The following PITPNM2 variants were observed in gnomAD, a reference collection of about 807,000 sequenced individuals.
PITPNM2 encodes the protein phosphatidylinositol transfer protein membrane associated 2, also known as membrane-associated phosphatidylinositol transfer protein 2.
Under a neutral mutation model 132.2 loss-of-function variants are expected in PITPNM2, and 35 were observed. That is an observed-to-expected ratio of 0.26 (90% confidence interval 0.20 to 0.35). PITPNM2 has a LOEUF of 0.35. PITPNM2 is among the 10% of genes least tolerant of loss of function. The probability of loss-of-function intolerance (pLI) is 1.00; values close to 1 mark genes in which losing one functional copy is unlikely to be tolerated. For missense variants in PITPNM2, 1,332 were observed against 1,912.0 expected (o/e 0.70, Z 5.66); for synonymous variants, 738 against 799.2 (o/e 0.92, Z 1.29).
Position 123,043,949 on chromosome 12 carries a change from AAGG to A in PITPNM2, c.-95-9267_-95-9265del, listed in dbSNP as rs544263562. On this transcript the variant is annotated intron_variant, in intron 2 of 25. Coordinates refer to ENST00000320201, the MANE Select transcript of PITPNM2 (RefSeq NM_020845.3). Reference sequence around the variant, plus strand: ...CCTCCAAGATGATAAGCATGGCATGAAGGAGAATTATTTGGAACTCACCTCCTA... The same window carrying A: ...CCTCCAAGATGATAAGCATGGCATGAAGAATTATTTGGAACTCACCTCCTA... 1.5e-3 allele frequency among the ~76,000 whole-genome samples: 224 copies of A among 152,308 alleles called. 2 individuals are homozygous for A. The highest frequency in any genetic ancestry group is 2.6e-3 in the Non-Finnish European group (178 of 68,020).
chr12:123,000,654 GCAGGCGTGGAGGTGAGGCTGC>G lies in PITPNM2; in HGVS notation c.1224+103_1224+123del. On this transcript the variant is annotated intron_variant, in intron 10 of 25. Coordinates refer to ENST00000320201, the MANE Select transcript of PITPNM2 (RefSeq NM_020845.3). This position sits in a 1 kb window ranked among gnomAD's most constrained non-coding sequence, Gnocchi z 5.4. ...AGGCCTCTCCCCAGACAGTACCCAGGCAGGCGTGGAGGTGAGGCTGCCAGGCCCAGAGTTCCACCTCTGTAA... is the reference window on the plus strand; with the variant it reads ...AGGCCTCTCCCCAGACAGTACCCAGGCAGGCCCAGAGTTCCACCTCTGTAA... 1 of 1,072,856 alleles carries G rather than the reference GCAGGCGTGGAGGTGAGGCTGC, an allele frequency of 9.3e-7. No individual in the cohort carries two copies. Among genetic ancestry groups the G allele is most frequent in the Non-Finnish European group, 1.4e-6 (1 of 729,748 alleles). 66.5% of individuals were successfully genotyped at this position (1,072,856 alleles called of 1,614,324 possible).
At chr12:123,105,700 T>A (rs2042693491) in intron 2 of PITPNM2, among the ~76,000 whole-genome samples, 1 of 152,020 alleles carries the variant, frequency 6.6e-6, no homozygotes, top group South Asian at 2.1e-4. Flanking sequence ...TCCAGCTGCC[T>A]CCCTGCAGGT....
At chr12:123,011,598 G>C (rs2039205987) in intron 5 of PITPNM2, among the ~76,000 whole-genome samples, 1 of 152,214 alleles carries the variant, frequency 6.6e-6, no homozygotes, top group Non-Finnish European at 1.5e-5. Flanking sequence ...CAAGTTAAAA[G>C]TAAGGCCATT....
At chr12:123,115,770 GA>G (rs1232392079) in intron 1 of PITPNM2, among the ~76,000 whole-genome samples, 1 of 152,208 alleles carries the variant, frequency 6.6e-6, no homozygotes, top group African/African-American at 2.4e-5. Flanking sequence ...CTGGCTTTTA[GA>G]AACTTTTGAC....
At chr12:123,085,326 T>G (rs2042081377) in intron 2 of PITPNM2, among the ~76,000 whole-genome samples, 1 of 152,136 alleles carries the variant, frequency 6.6e-6, no homozygotes, top group Non-Finnish European at 1.5e-5. Context: ...CAGCACACAG[T>G]GCTGACATCC....
At position 122,988,394 on chromosome 12, in the gene PITPNM2, G is replaced by A. The variant is rs140260595; in HGVS notation, c.2881-44C>T. On this transcript the variant is annotated intron_variant, in intron 19 of 25. Transcript: ENST00000320201. Reference sequence around the variant, plus strand: ...GCAGGCTGTGGGGCAGATGCCACCCGGGGGCTTCCTGCCCTGGGAGGAGGA... The same window carrying A: ...GCAGGCTGTGGGGCAGATGCCACCCAGGGGCTTCCTGCCCTGGGAGGAGGA... The A allele has an allele frequency of 6.5e-3, 10,020 of 1,538,374 alleles. 63 individuals are homozygous for A. Among genetic ancestry groups the A allele is most frequent in the South Asian group, 0.017 (1,497 of 89,558 alleles).
Position 122,994,148 on chromosome 12 carries a change from C to T in PITPNM2, c.2233+653G>A, listed in dbSNP as rs1272949803. 6.6e-6 allele frequency among the ~76,000 whole-genome samples: 1 copy of T among 152,260 alleles called. No individual in the cohort carries two copies. Among genetic ancestry groups the T allele is most frequent in the Admixed American group, 6.5e-5 (1 of 15,290 alleles). On this transcript the variant is annotated intron_variant, in intron 15 of 25. Coordinates refer to ENST00000320201, the MANE Select transcript of PITPNM2 (RefSeq NM_020845.3). This position sits in a 1 kb window ranked among gnomAD's most constrained non-coding sequence, Gnocchi z 5.4. ...CTCGGCCTCCCAAAGTGCTGGATTACAGGCGTGAGCCACCGCGCCCGGCCA... is the reference window on the plus strand; with the variant it reads ...CTCGGCCTCCCAAAGTGCTGGATTATAGGCGTGAGCCACCGCGCCCGGCCA...
At chr12:122,991,614 C>G (rs1265637175) in intron 16 of PITPNM2, 7 of 929,072 alleles carry the variant, frequency 7.5e-6, no homozygotes, top group African/African-American at 1.7e-5. Flanking sequence ...TCCCCAGAGC[C>G]GTCCTGCCCA....
At chr12:123,151,295 G>A (rs2043745813), upstream of PITPNM2, among the ~76,000 whole-genome samples, 2 of 151,224 alleles carry the variant, frequency 1.3e-5, no homozygotes, top group South Asian at 4.2e-4. Flanking sequence ...GCTCCTCCCC[G>A]GCTCGCCCGT....
intron 14 of PITPNM2, 89 bp from the exon 15 acceptor site, chr12:122,995,068 T>C (rs1045843756): frequency 1.1e-4 from 146 of 1,373,776 alleles, no homozygotes; most frequent in Non-Finnish European, 1.4e-4. Flanking sequence ...TCCCAACCTC[T>C]CTCGGGGGCC....
At position 123,011,929 on chromosome 12, in the gene PITPNM2, G is replaced by A. The variant is rs73411046; in HGVS notation, c.415+684C>T. Among the ~76,000 whole-genome samples, 1,002 of 152,236 alleles carry A rather than the reference G, an allele frequency of 6.6e-3. 14 individuals are homozygous for A. Among genetic ancestry groups the A allele is most frequent in the African/African-American group, 0.023 (946 of 41,530 alleles). On this transcript the variant is annotated intron_variant, in intron 5 of 25. Coordinates refer to ENST00000320201, the MANE Select transcript of PITPNM2 (RefSeq NM_020845.3). ...ACCCAGGAAATCCCAGCAGAGGTGG[G>A]GGGGTTGGGCCTGGAGCAGCTCCTG...
chr12:123,099,208 C>T lies in PITPNM2; in HGVS notation c.-96+11177G>A, dbSNP rs1000036548. Among the ~76,000 whole-genome samples the T allele has an allele frequency of 6.6e-5, 10 of 151,922 alleles. No homozygotes were observed. The highest frequency in any genetic ancestry group is 1.3e-4 in the Non-Finnish European group (9 of 67,978). On this transcript the variant is annotated intron_variant, in intron 2 of 25. Coordinates refer to ENST00000320201, the MANE Select transcript of PITPNM2 (RefSeq NM_020845.3). The surrounding 1 kb of genome is among the most constrained non-coding windows in gnomAD (Gnocchi z 4.2). ...GGGAGGCAACTGATTCCCTCCTTCA[C>T]GCTCACCCAGAACTGTCGATTTTGC...
At chr12:123,129,431 A>G (rs1360138804) in intron 1 of PITPNM2, among the ~76,000 whole-genome samples, 5 of 151,008 alleles carry the variant, frequency 3.3e-5, no homozygotes, top group Non-Finnish European at 5.9e-5. Context: ...TTAGCTGGGC[A>G]TGGTGGCGGG....
At chr12:123,081,559 G>A (rs1161957420) in intron 2 of PITPNM2, 1 of 152,226 alleles carries the variant, frequency 6.6e-6, no homozygotes, top group Non-Finnish European at 1.5e-5. Context: ...CTCTGGCAGG[G>A]AGCGTCAGGA....
intron 2 of PITPNM2, among the ~76,000 whole-genome samples, chr12:123,048,141 C>T (rs1282842682): frequency 6.7e-6 from 1 of 149,684 alleles, no homozygotes; most frequent in Admixed American, 6.7e-5. Flanking sequence ...CATGAGTCAT[C>T]AAAACCTAAT....
chr12:123,145,962 A>G (rs1593038485), intron 1 of PITPNM2, among the ~76,000 whole-genome samples: 2 of 152,334 alleles, frequency 1.3e-5, no homozygotes, highest in South Asian at 4.1e-4. Context: ...ATAGTATAGA[A>G]TACTATACAG....
chr12:123,133,602 G>C (rs559666962), intron 1 of PITPNM2, among the ~76,000 whole-genome samples: 3 of 152,232 alleles, frequency 2.0e-5, no homozygotes, highest in Non-Finnish European at 4.4e-5. Context: ...AGACTGTTTC[G>C]ATCTCCCTTG....
Position 123,032,039 on chromosome 12 carries a change from A to G in PITPNM2, c.78+2474T>C, listed in dbSNP as rs187187306. On this transcript the variant is annotated intron_variant, in intron 3 of 25. Coordinates refer to ENST00000320201, the MANE Select transcript of PITPNM2 (RefSeq NM_020845.3). ...TTCCATCCTGCCACAATCCTAATCA[A>G]TGGAGCTTCTCAAAAGACACTGCAT... is the stretch of plus-strand genomic sequence containing the variant. 3.9e-5 allele frequency among the ~76,000 whole-genome samples: 6 copies of G among 152,264 alleles called. No individual in the cohort carries two copies. The East Asian group carries it at 1.2e-3, about 29-fold the overall frequency.
At position 122,995,698 on chromosome 12, in the gene PITPNM2, G is replaced by C. The variant is rs537643058; in HGVS notation, c.1783-38C>G. ...CGTGGAGGCTCACTGCCAGGTGGCC[G>C]CTGGCCTGACCCCTTCTCCAGTGTC... On this transcript the variant is annotated intron_variant, in intron 13 of 25. Coordinates refer to ENST00000320201, the MANE Select transcript of PITPNM2 (RefSeq NM_020845.3). 3 of 1,538,164 alleles carry C rather than the reference G, an allele frequency of 2.0e-6. No homozygotes were observed. In the African/African-American group the frequency reaches 4.1e-5, roughly 21 times the overall value.
Sources: gnomAD v4.1 joint callset for allele counts (sites outside exome capture counted in the v4.1 genomes callset) on GRCh38, gnomAD v4.1.1 for gene constraint, Gnocchi (gnomAD v3.1) non-coding constraint, MANE v1.5 for transcripts, NCBI Gene and HGNC (gene_info 2026-07-23, HGNC 2026-07-21) for gene names.